CEP95: variants seen among roughly 807,000 people sequenced by gnomAD.
CEP95 encodes the protein centrosomal protein 95.
CEP95 carries 98 observed loss-of-function variants against 111.2 expected under a neutral mutation model. The observed-to-expected ratio is 0.88, with a 90% CI of 0.75 to 1.04. The LOEUF (loss-of-function observed/expected upper bound fraction) is 1.04, where lower values mean the gene tolerates loss of function less well. Among genes scored for constraint, CEP95 ranks in the 50% least tolerant of loss-of-function variants. CEP95 has a pLI of 0.00. For synonymous variants in CEP95, 323 were observed against 327.1 expected (o/e 0.99, Z 0.14); for missense variants, 1,027 against 977.2 (o/e 1.05, Z -0.68).
rs374710733 is a variant in CEP95, at chr17:64,536,725, A to C, written c.2194A>C (p.Met732Leu). ...ACGCCACCAGGATGAACTGGACTCC[A>C]TGGAGAACTACTATAAGGACCAGGT... ...RRRHQDELDSMENYYKDQFSL... is the reference protein window; with the variant it reads ...RRRHQDELDSLENYYKDQFSL... The change falls in exon 18 of 20, where the codon ATG becomes CTG. Residue 732 changes from methionine (M) to leucine (L), a missense_variant. Physicochemically the swap from Met to Leu is conservative, Grantham distance 15. Coordinates refer to ENST00000556440, the MANE Select transcript of CEP95 (RefSeq NM_138363.3). The C allele has an allele frequency of 7.5e-6, 12 of 1,610,120 alleles. No individual in the cohort carries two copies. The highest frequency in any genetic ancestry group is 1.3e-5 in the African/African-American group (1 of 74,570).
chr17:64,537,429 C>T (rs2144562045), intron 19 of CEP95, 174 bp from the exon 20 acceptor site: 2 of 1,378,636 alleles, frequency 1.5e-6, no homozygotes, highest in Non-Finnish European at 1.9e-6. Context: ...ATCTATGACC[C>T]AAGACATTTT....
At chr17:64,507,682 A>G (rs944938478) in intron 1 of CEP95, 6 of 986,972 alleles carry the variant, frequency 6.1e-6, no homozygotes, top group Non-Finnish European at 6.0e-6. Flanking sequence ...AGGACTGCGT[A>G]CAAACCAGTT....
rs782572705 is a variant in CEP95 at position 64,529,272 on chromosome 17, C to G, written c.1307-16C>G. On this transcript the variant is annotated splice_polypyrimidine_tract_variant and intron_variant, in intron 11 of 19. Coordinates refer to ENST00000556440, the MANE Select transcript of CEP95 (RefSeq NM_138363.3). ...GCTATCAGGAACTAATGTTATATGT[C>G]TTTTCTCTGTTGCAGGACTTTCCAT... is the stretch of plus-strand genomic sequence containing the variant. 15 of 1,602,510 alleles carry G rather than the reference C, an allele frequency of 9.4e-6. No homozygotes were observed. The highest frequency in any genetic ancestry group is 1.3e-5 in the Non-Finnish European group (15 of 1,176,068).
At position 64,516,261 on chromosome 17, in the gene CEP95, T is replaced by C. The variant is rs538750145; in HGVS notation, c.368-462T>C. 2.9e-4 allele frequency among the ~76,000 whole-genome samples: 44 copies of C among 152,366 alleles called. 1 individual carries two copies. Among genetic ancestry groups the C allele is most frequent in the Admixed American group, 1.4e-3 (21 of 15,306 alleles). On this transcript the variant is annotated intron_variant, in intron 4 of 19. Transcript: ENST00000556440. ...TGAGTTATAGCTACTGGTGAAAGTA[T>C]GTATTCTTCAAGTATGGTGGGGTGG...
chr17:64,521,596 G>C, intron 7 of CEP95, 69 bp downstream of exon 7: 1 of 1,460,964 alleles, frequency 6.8e-7, no homozygotes, highest in Non-Finnish European at 9.2e-7. Context: ...GTTGCCATTA[G>C]CCTTTTTACT....
Position 64,526,018 on chromosome 17 carries a change from C to T in CEP95, c.1023-53C>T, listed in dbSNP as rs1555679004. On this transcript the variant is annotated intron_variant, in intron 9 of 19. Transcript: ENST00000556440. The stretch of plus-strand genomic sequence containing the variant: ...AAGTACGTATTACAGTTATTTTAAA[C>T]TAAATAATAGACACCTAGCTATTTT... 2.5e-6 allele frequency: 4 copies of T among 1,574,736 alleles called. No individual in the cohort carries two copies. In the African/African-American group the frequency reaches 4.1e-5, roughly 16 times the overall value.
intron 18 of CEP95, 94 bp from the exon 19 acceptor site, chr17:64,536,947 T>C: frequency 7.6e-7 from 1 of 1,313,882 alleles, no homozygotes. Context: ...CCTATTTCCA[T>C]TAAAATGATT....
At chr17:64,512,357 CT>C (rs1187554382) in intron 3 of CEP95, among the ~76,000 whole-genome samples, 2 of 152,166 alleles carry the variant, frequency 1.3e-5, no homozygotes, top group Non-Finnish European at 2.9e-5. Flanking sequence ...ACTTTTTGCA[CT>C]TGCTGAATTT....
At chr17:64,511,221 T>C (rs1461907971) in intron 3 of CEP95, among the ~76,000 whole-genome samples, 3 of 152,206 alleles carry the variant, frequency 2.0e-5, no homozygotes, top group East Asian at 1.9e-4. Context: ...TAACATCTTA[T>C]CAGGAGACAG....
rs1555679262 is a variant in CEP95 at position 64,527,141 on chromosome 17, A to G, written c.1183A>G (p.Lys395Glu). The G allele has an allele frequency of 1.2e-6, 2 of 1,613,374 alleles. No individual in the cohort carries two copies. The highest frequency in any genetic ancestry group is 2.2e-5 in the East Asian group (1 of 44,878). ...MLKSALGDRI[K>E]EKTDHKEENT... ...AAAAAGTGCTCTGGGTGATCGGATT[A>G]AAGAAAAGACTGACCATAAAGAAGA... Residue 395 changes from lysine (K) to glutamate (E), a missense_variant, in exon 11 of 20, where the codon AAA (lysine) becomes GAA (glutamate). By Grantham distance (56) the Lys-to-Glu change is moderately conservative. Coordinates refer to ENST00000556440, the MANE Select transcript of CEP95 (RefSeq NM_138363.3).
intron 8 of CEP95, among the ~76,000 whole-genome samples, chr17:64,523,605 C>T (rs782797160): frequency 2.0e-5 from 3 of 152,024 alleles, no homozygotes; most frequent in Admixed American, 6.5e-5. Flanking sequence ...TATAGTCATC[C>T]TGTCCTTATC....
At chr17:64,510,111 A>G (rs556853209) in intron 2 of CEP95, 62 bp from the exon 3 acceptor site, 39 of 853,730 alleles carry the variant, frequency 4.6e-5, no homozygotes, top group Non-Finnish European at 7.1e-5. Context: ...CTAGTCAGAG[A>G]CAATGAGATG....
chr17:64,513,490 C>T (rs984726257), intron 3 of CEP95, among the ~76,000 whole-genome samples: 3 of 152,072 alleles, frequency 2.0e-5, no homozygotes, highest in Admixed American at 6.6e-5. Context: ...AAATCTGTTA[C>T]GGAGTAGGTA....
chr17:64,533,126 G>C lies in CEP95; in HGVS notation c.1852G>C (p.Ala618Pro). Residue 618 changes from alanine to proline, a missense_variant, in exon 16 of 20, where the codon GCC becomes CCC. By Grantham distance (27) the Ala-to-Pro change is conservative. Coordinates refer to ENST00000556440, the MANE Select transcript of CEP95 (RefSeq NM_138363.3). ...CATGTCCCCCTTCAAGATAGAAGAA[G>C]CCCTAAGAAGGCATGACCTCCTTAC... The part of the protein sequence containing the change: ...KKKLQDEIEE[A>P]LRRHDLLTTL... 6.2e-7 allele frequency: 1 copy of C among 1,604,442 alleles called. No individual in the cohort carries two copies. Among genetic ancestry groups the C allele is most frequent in the Non-Finnish European group, 8.5e-7 (1 of 1,177,416 alleles).
At position 64,522,781 on chromosome 17, in the gene CEP95, A is replaced by G; in HGVS notation, c.795A>G (p.Pro265=). 1.2e-6 allele frequency: 2 copies of G among 1,613,702 alleles called. No individual in the cohort carries two copies. Among genetic ancestry groups the G allele is most frequent in the Admixed American group, 1.7e-5 (1 of 59,970 alleles). The change falls in exon 8 of 20, where the codon CCA becomes CCG. Residue 265 remains proline, a synonymous_variant. Transcript: ENST00000556440. ...TCCGAGCAGCTATTCCTTTACATCC[A>G]CCCTACCACCCTTCAGAGCCTCGAG... ...EPIRAAIPLH[P]PYHPSEPRAP...
chr17:64,515,975 C>T (rs2039118488), intron 4 of CEP95: 1 of 152,170 alleles, frequency 6.6e-6, no homozygotes, highest in Non-Finnish European at 1.5e-5. Context: ...GTTTTCTCAT[C>T]TGAAATTCTT....
At chr17:64,516,958 T>C in intron 5 of CEP95, 130 bp downstream of exon 5, 1 of 567,644 alleles carries the variant, frequency 1.8e-6, no homozygotes, top group Non-Finnish European at 3.1e-6. Flanking sequence ...CTTCTCATAT[T>C]TTAAACTTTC....
chr17:64,519,810 G>A (rs1232766929), intron 6 of CEP95, among the ~76,000 whole-genome samples: 1 of 152,180 alleles, frequency 6.6e-6, no homozygotes, highest in Non-Finnish European at 1.5e-5. Flanking sequence ...CGTATATGCA[G>A]TAGCAATTTT....
At chr17:64,529,153 A>C in intron 11 of CEP95, 135 bp from the exon 12 acceptor site, 1 of 687,966 alleles carries the variant, frequency 1.5e-6, no homozygotes, top group South Asian at 1.9e-5. Context: ...TACCAATTCA[A>C]GTTAGTTACA....
Sources: gnomAD v4.1 joint callset for allele counts (sites outside exome capture counted in the v4.1 genomes callset) on GRCh38, gnomAD v4.1.1 for gene constraint, MANE v1.5 for transcripts, NCBI Gene and HGNC (gene_info 2026-07-23, HGNC 2026-07-21) for gene names.